HTR4: variants seen among roughly 807,000 people sequenced by gnomAD.
HTR4 encodes 5-hydroxytryptamine (serotonin) receptor 4, G protein-coupled.
Under a neutral mutation model 36.8 loss-of-function variants are expected in HTR4, and 16 were observed. The ratio of observed to expected loss-of-function variants is 0.43; its 90% CI spans 0.29 to 0.66. The LOEUF (loss-of-function observed/expected upper bound fraction) is 0.66, where lower values mean the gene tolerates loss of function less well. HTR4 is among the 30% of genes least tolerant of loss of function. HTR4 has a pLI of 0.13. For synonymous variants in HTR4, 189 were observed against 185.1 expected, an observed-to-expected ratio of 1.02 and a Z score of -0.17; for missense variants, 438 against 490.9, an observed-to-expected ratio of 0.89 and a Z score of 1.02.
At chr5:148,617,422 AACAC>A (rs1156736664) in intron 2 of HTR4, among the ~76,000 whole-genome samples, 4 of 152,136 alleles carry the variant, frequency 2.6e-5, no homozygotes, top group African/African-American at 9.7e-5. Flanking sequence ...AGCACAGCCT[AACAC>A]ACACTTCTTA....
chr5:148,476,860 C>T, downstream of HTR4: 1 of 1,530,694 alleles, frequency 6.5e-7, no homozygotes, highest in African/African-American at 1.4e-5. Flanking sequence ...TCAAAAACCT[C>T]ATGCAGTCCT....
chr5:148,582,066 G>C (rs545127331), intron 2 of HTR4, among the ~76,000 whole-genome samples: 1 of 151,920 alleles, frequency 6.6e-6, no homozygotes, highest in African/African-American at 2.4e-5. Flanking sequence ...TTTATTCCTA[G>C]GTATTTTATT....
chr5:148,489,227 A>C (rs552944802), intron 6 of HTR4, among the ~76,000 whole-genome samples: 1 of 152,344 alleles, frequency 6.6e-6, no homozygotes, highest in Admixed American at 6.5e-5. Context: ...TAAACTTCAC[A>C]ATAATCCTAT....
At chr5:148,548,368 T>G (rs1759490927) in intron 4 of HTR4, among the ~76,000 whole-genome samples, 1 of 152,176 alleles carries the variant, frequency 6.6e-6, no homozygotes, top group South Asian at 2.1e-4. Flanking sequence ...ATGCCATCAG[T>G]ATAAAATTTA....
At chr5:148,503,036 G>A (rs769244836) in intron 6 of HTR4, among the ~76,000 whole-genome samples, 14 of 152,258 alleles carry the variant, frequency 9.2e-5, no homozygotes, top group African/African-American at 2.6e-4. Context: ...TGAAAGTGAC[G>A]GGGAGAATGG....
chr5:148,484,554 G>A (rs374989530), intron 6 of HTR4, among the ~76,000 whole-genome samples: 2 of 152,048 alleles, frequency 1.3e-5, no homozygotes, highest in Non-Finnish European at 2.9e-5. Context: ...AAGTTCATTC[G>A]GACTTGTTAG....
intron 2 of HTR4, among the ~76,000 whole-genome samples, chr5:148,619,573 A>G (rs889669257): frequency 1.3e-5 from 2 of 152,150 alleles, no homozygotes; most frequent in Admixed American, 1.3e-4. Flanking sequence ...GGCTATCAAT[A>G]GGGATCTGCA....
At chr5:148,458,935 G>C (rs1036778350) in intron 5 of HTR4, among the ~76,000 whole-genome samples, 1 of 152,130 alleles carries the variant, frequency 6.6e-6, no homozygotes, top group Non-Finnish European at 1.5e-5. Context: ...TAAATTAGGA[G>C]GTGTATTAGC....
At chr5:148,534,050 A>G (rs1758698244) in intron 4 of HTR4, among the ~76,000 whole-genome samples, 1 of 152,222 alleles carries the variant, frequency 6.6e-6, no homozygotes, top group South Asian at 2.1e-4. Flanking sequence ...CATATTTGTT[A>G]TGTGCAATGG....
rs374804512 is a variant in HTR4, at chr5:148,561,731, A to G, written c.27-11469T>C. Among the ~76,000 whole-genome samples the G allele has an allele frequency of 4.6e-5, 7 of 151,962 alleles. No individual in the cohort carries two copies. The East Asian group carries it at 5.8e-4, about 13-fold the overall frequency. On this transcript the variant is annotated intron_variant, in intron 2 of 6. Coordinates refer to ENST00000377888, the MANE Select transcript of HTR4 (RefSeq NM_000870.7). ...ACATGTTTTCAATATTCGGCTGATC[A>G]TTTCCTCAAAATTATTCCTGTGATT...
intron 2 of HTR4, among the ~76,000 whole-genome samples, chr5:148,611,624 G>A (rs1450745774): frequency 7.5e-5 from 11 of 147,006 alleles, no homozygotes; most frequent in African/African-American, 1.8e-4. Context: ...ATCAACTAAC[G>A]AGCAAAATCA....
chr5:148,489,318 T>C (rs747307135), intron 6 of HTR4, among the ~76,000 whole-genome samples: 34 of 151,670 alleles, frequency 2.2e-4, no homozygotes, highest in Non-Finnish European at 4.1e-4. Flanking sequence ...ATCTAGAGAG[T>C]GGTGGGGTCA....
In HTR4 at chr5:148,523,430, G is replaced by C. The variant is rs1003773525; in HGVS notation, c.354-84C>G. ...AAAAGAGAATATATGAGAGAGAAAA[G>C]GGGAGGAAGAGGGGATGGAGCAAGG... On this transcript the variant is annotated intron_variant, in intron 4 of 6. Coordinates refer to ENST00000377888, the MANE Select transcript of HTR4 (RefSeq NM_000870.7). 6.8e-6 allele frequency: 8 copies of C among 1,173,974 alleles called. No individual in the cohort carries two copies. In the East Asian group the frequency reaches 2.2e-4, roughly 32 times the overall value. 72.7% of individuals were successfully genotyped at this position (1,173,974 alleles called of 1,614,324 possible).
chr5:148,614,662 A>C (rs1205527504), intron 2 of HTR4, among the ~76,000 whole-genome samples: 1 of 152,174 alleles, frequency 6.6e-6, no homozygotes, highest in East Asian at 1.9e-4. Flanking sequence ...AATGGCAACA[A>C]AAGACAAAAT....
chr5:148,478,423 G>A (rs544317421), downstream of HTR4, among the ~76,000 whole-genome samples: 412 of 152,296 alleles, frequency 2.7e-3, no homozygotes, highest in Non-Finnish European at 4.5e-3. Context: ...TTCATTCTAG[G>A]AAGGAAGTTT....
chr5:148,576,697 C>G (rs1014333149), intron 2 of HTR4, among the ~76,000 whole-genome samples: 2 of 152,058 alleles, frequency 1.3e-5, no homozygotes, highest in Admixed American at 1.3e-4. Context: ...TTTGACAAAG[C>G]TGACAAAAAT....
intron 2 of HTR4, among the ~76,000 whole-genome samples, chr5:148,608,000 G>C (rs543520724): frequency 7.9e-5 from 12 of 152,112 alleles, no homozygotes; most frequent in Non-Finnish European, 1.3e-4. Flanking sequence ...GCTAAGATGA[G>C]GAATGGTGCA....
At chr5:148,467,250 T>C (rs1311348708) in intron 5 of HTR4, among the ~76,000 whole-genome samples, 3 of 152,212 alleles carry the variant, frequency 2.0e-5, no homozygotes, top group Admixed American at 6.5e-5. Flanking sequence ...ATAAAATTAT[T>C]ACACATCACC....
chr5:148,650,803 G>A (rs1334121674), intron 1 of HTR4, among the ~76,000 whole-genome samples: 1 of 152,132 alleles, frequency 6.6e-6, no homozygotes, highest in Non-Finnish European at 1.5e-5. Flanking sequence ...ATAAAAATGA[G>A]AGAAATCACA....
Sources: gnomAD v4.1 joint callset for allele counts (sites outside exome capture counted in the v4.1 genomes callset) on GRCh38, gnomAD v4.1.1 for gene constraint, MANE v1.5 for transcripts, NCBI Gene and HGNC (gene_info 2026-07-23, HGNC 2026-07-21) for gene names.